Variants in MYO16 observed in about 807,000 individuals in gnomAD.
The protein encoded by MYO16 is unconventional myosin-XVI.
In MYO16, 94 loss-of-function variants were observed where a neutral mutation model predicts 205.3. The ratio of observed to expected loss-of-function variants is 0.46; its 90% confidence interval spans 0.39 to 0.54. The LOEUF is 0.54. Ranked by LOEUF, MYO16 falls within the 20% of genes least tolerant of loss-of-function variation. The probability of loss-of-function intolerance (pLI) is 0.00; values close to 1 mark genes in which losing one functional copy is unlikely to be tolerated. For missense variants in MYO16, 2,315 were observed against 2,387.5 expected, an observed-to-expected ratio of 0.97 and a Z score of 0.63; for synonymous variants, 988 against 954.0, an observed-to-expected ratio of 1.04 and a Z score of -0.66.
chr13:108,987,906 T>C (rs1160873660), intron 20 of MYO16, among the ~76,000 whole-genome samples: 2 of 152,206 alleles, frequency 1.3e-5, no homozygotes, highest in African/African-American at 4.8e-5. Flanking sequence ...CTCCACTCTA[T>C]ATCTATCTAC....
chr13:108,496,205 C>G, the MYO16 span, among the ~76,000 whole-genome samples: 1 of 151,346 alleles, frequency 6.6e-6, no homozygotes, highest in East Asian at 1.9e-4. Flanking sequence ...ACGCGTAAGC[C>G]GAGGCTGGGA....
At chr13:108,503,281 T>C in the MYO16 span, among the ~76,000 whole-genome samples, 1 of 152,142 alleles carries the variant, frequency 6.6e-6, no homozygotes, top group African/African-American at 2.4e-5. Context: ...AGGCCTCACC[T>C]GTGAAATGGT....
the MYO16 span, among the ~76,000 whole-genome samples, chr13:108,540,052 A>G: frequency 6.6e-6 from 1 of 152,150 alleles, no homozygotes; most frequent in Non-Finnish European, 1.5e-5. Flanking sequence ...TGGGAGAAGT[A>G]TATTATCAGC....
chr13:108,653,977 T>G (rs2139407614), intron 1 of MYO16, among the ~76,000 whole-genome samples: 1 of 152,206 alleles, frequency 6.6e-6, no homozygotes, highest in South Asian at 2.1e-4. Context: ...GCAGAGTCTA[T>G]TATCATTCCA....
intron 2 of MYO16, among the ~76,000 whole-genome samples, chr13:108,692,972 T>C (rs1219633871): frequency 6.6e-6 from 1 of 152,138 alleles, no homozygotes; most frequent in African/African-American, 2.4e-5. Flanking sequence ...TGTACATATA[T>C]CTTGCATGTC....
chr13:108,609,655 T>C (rs1295579740), intron 1 of MYO16, among the ~76,000 whole-genome samples: 1 of 152,234 alleles, frequency 6.6e-6, no homozygotes, highest in Admixed American at 6.5e-5. Flanking sequence ...TGCTTCTTTG[T>C]CTTCAATTTA....
At chr13:108,833,255 T>TA (rs5806759) in intron 9 of MYO16, among the ~76,000 whole-genome samples, 39,152 of 145,394 alleles carry the variant, frequency 0.27, 5,502 homozygotes, top group East Asian at 0.66. Context: ...CTTTAAATTG[T>TA]AAAAAAAAAA....
At chr13:108,629,401 G>A (rs557589675), upstream of MYO16, 3 of 155,878 alleles carry the variant, frequency 1.9e-5, no homozygotes, top group South Asian at 2.0e-4. Context: ...CCTTCTATCC[G>A]TGGCTTCTCT....
the MYO16 span, among the ~76,000 whole-genome samples, chr13:108,585,879 G>C: frequency 1.3e-5 from 2 of 152,088 alleles, no homozygotes; most frequent in Non-Finnish European, 2.9e-5. Context: ...ATAAATAATG[G>C]TTTTCCAAAG....
chr13:108,975,200 T>A (rs1252706749), intron 20 of MYO16, among the ~76,000 whole-genome samples: 1 of 151,794 alleles, frequency 6.6e-6, no homozygotes, highest in African/African-American at 2.4e-5. Context: ...GTTTTTTTTT[T>A]TATTAAAAAG....
chr13:109,001,391 G>A (rs914842706), intron 21 of MYO16, among the ~76,000 whole-genome samples: 1 of 152,094 alleles, frequency 6.6e-6, no homozygotes, highest in Non-Finnish European at 1.5e-5. Flanking sequence ...TGGCTACCAA[G>A]CACCCAAGTC....
At chr13:108,975,791 C>T (rs1376913669) in intron 20 of MYO16, among the ~76,000 whole-genome samples, 1 of 152,074 alleles carries the variant, frequency 6.6e-6, no homozygotes, top group Non-Finnish European at 1.5e-5. Context: ...ATGCCTTCCA[C>T]CCTCCATGTG....
intron 12 of MYO16, among the ~76,000 whole-genome samples, chr13:108,876,856 T>C (rs565459907): frequency 4.1e-4 from 62 of 152,152 alleles, no homozygotes; most frequent in African/African-American, 1.5e-3. Flanking sequence ...TTAGTAGAGA[T>C]GGGGTTTTCC....
At chr13:109,110,172 G>GACTGAATAT (rs1181210746) in intron 28 of MYO16, among the ~76,000 whole-genome samples, 1 of 152,224 alleles carries the variant, frequency 6.6e-6, no homozygotes, top group African/African-American at 2.4e-5. Flanking sequence ...TGTGTGCTCT[G>GACTGAATAT]ACTGAATATA....
At chr13:108,497,236 G>A in the MYO16 span, among the ~76,000 whole-genome samples, 1 of 152,184 alleles carries the variant, frequency 6.6e-6, no homozygotes, top group East Asian at 1.9e-4. Context: ...TTATTGCATA[G>A]CTACCAGATT....
chr13:108,656,042 G>A (rs1462615402), intron 1 of MYO16, among the ~76,000 whole-genome samples: 3 of 152,090 alleles, frequency 2.0e-5, no homozygotes, highest in Non-Finnish European at 4.4e-5. Flanking sequence ...AGACTTTGGG[G>A]GATTGTTGGG....
chr13:109,007,460 A>G (rs9514956), intron 21 of MYO16, among the ~76,000 whole-genome samples: 7,184 of 151,836 alleles, frequency 0.047, 210 homozygotes, highest in African/African-American at 0.07. Flanking sequence ...TGATGGCGCC[A>G]TGGTGTCAAA....
At chr13:108,785,462 A>G (rs911974) in intron 4 of MYO16, among the ~76,000 whole-genome samples, 173 bp from the exon 5 acceptor site, 5,066 of 152,266 alleles carry the variant, frequency 0.033, 249 homozygotes, top group East Asian at 0.24. Context: ...TCCACAAGTC[A>G]TTTAATATAT....
chr13:109,110,520 T>C (rs1221487309), intron 28 of MYO16, among the ~76,000 whole-genome samples: 1 of 152,228 alleles, frequency 6.6e-6, no homozygotes, highest in East Asian at 1.9e-4. Context: ...AGTGCTCTAT[T>C]AGATGTGTGT....
Sources: gnomAD v4.1 joint callset for allele counts (sites outside exome capture counted in the v4.1 genomes callset) on GRCh38, gnomAD v4.1.1 for gene constraint, MANE v1.5 for transcripts, NCBI Gene and HGNC (gene_info 2026-07-23, HGNC 2026-07-21) for gene names.